Variants in TENT4B observed in about 807,000 individuals in gnomAD.
The protein encoded by TENT4B is PAP associated domain containing 5.
In TENT4B, 10 loss-of-function variants were observed where a neutral mutation model predicts 75.0. The ratio of observed to expected loss-of-function variants is 0.13; its 90% CI spans 0.08 to 0.23. The LOEUF (loss-of-function observed/expected upper bound fraction) is 0.23, where lower values mean the gene tolerates loss of function less well. Ranked by LOEUF, TENT4B falls within the 10% of genes least tolerant of loss-of-function variation. The probability of loss-of-function intolerance (pLI) is 1.00; values close to 1 mark genes in which losing one functional copy is unlikely to be tolerated. For missense variants in TENT4B, 579 were observed against 893.8 expected, an observed-to-expected ratio of 0.65 and a Z score of 4.49; for synonymous variants, 350 against 357.7, an observed-to-expected ratio of 0.98 and a Z score of 0.24.
chr16:50,219,188 G>C (rs2031713647), intron 5 of TENT4B, among the ~76,000 whole-genome samples: 1 of 152,134 alleles, frequency 6.6e-6, no homozygotes, highest in Non-Finnish European at 1.5e-5. Flanking sequence ...TCAGTATAAA[G>C]AGACAGTGTA....
chr16:50,177,255 GT>G (rs1305109776), intron 1 of TENT4B, among the ~76,000 whole-genome samples: 1 of 152,032 alleles, frequency 6.6e-6, no homozygotes, highest in Admixed American at 6.6e-5. Flanking sequence ...CACCTGTCTT[GT>G]CCTCCCAATG....
intron 3 of TENT4B, among the ~76,000 whole-genome samples, chr16:50,215,431 G>A (rs2150738432): frequency 6.6e-6 from 1 of 152,276 alleles, no homozygotes; most frequent in South Asian, 2.1e-4. Context: ...GTCAGCATCA[G>A]TAAAACATGA....
Position 50,204,895 on chromosome 16 carries a change from C to T in TENT4B, c.639-6428C>T, listed in dbSNP as rs188980612. ...CAAAATGTACTGGTGTGTGCTGTCA[C>T]TGCATTCCTGGGTTTGGAGGTCTTC... On this transcript the variant is annotated intron_variant, in intron 1 of 11. Coordinates refer to ENST00000561678, the MANE Select transcript of TENT4B (RefSeq NM_001365324.3). Among the ~76,000 whole-genome samples, 186 of 152,302 alleles carry T rather than the reference C, an allele frequency of 1.2e-3. 2 individuals carry two copies. The highest frequency in any genetic ancestry group is 3.8e-3 in the African/African-American group (158 of 41,562).
intron 10 of TENT4B, among the ~76,000 whole-genome samples, chr16:50,225,730 T>TG (rs1183495923): frequency 2.0e-5 from 3 of 151,864 alleles, no homozygotes; most frequent in Non-Finnish European, 4.4e-5. Context: ...TCACCCAGGC[T>TG]GGAGTGCAGT....
At chr16:50,211,671 G>A (rs1015136325) in intron 2 of TENT4B, among the ~76,000 whole-genome samples, 1 of 151,556 alleles carries the variant, frequency 6.6e-6, no homozygotes, top group African/African-American at 2.4e-5. Flanking sequence ...TTTTTTTGTA[G>A]TGCTAATAGC....
chr16:50,169,518 A>T (rs549898236), intron 1 of TENT4B, among the ~76,000 whole-genome samples: 50 of 149,802 alleles, frequency 3.3e-4, no homozygotes, highest in Middle Eastern at 6.9e-3. Context: ...ATATTTATTA[A>T]TTCATTATTT....
intron 1 of TENT4B, among the ~76,000 whole-genome samples, chr16:50,200,423 GTAAA>G (rs1410954657): frequency 6.6e-6 from 1 of 151,516 alleles, no homozygotes; most frequent in Admixed American, 6.6e-5. Context: ...GCAAAAATAA[GTAAA>G]TAAATAAATA....
rs1414512366 is a variant in TENT4B, at chr16:50,222,454, C to T, written c.1167+20C>T. 6 of 1,606,894 alleles carry T rather than the reference C, an allele frequency of 3.7e-6. No individual in the cohort carries two copies. In the Admixed American group the frequency reaches 8.6e-5, roughly 23 times the overall value. ...CTTCAGGTAAGTCATATGGGTATAG[C>T]ATGCTAGTGCACACTAAAAGCAAAA... On this transcript the variant is annotated intron_variant, in intron 6 of 11. Transcript: ENST00000561678.
chr16:50,169,853 C>G (rs2038173127), intron 1 of TENT4B, among the ~76,000 whole-genome samples: 1 of 152,084 alleles, frequency 6.6e-6, no homozygotes, highest in African/African-American at 2.4e-5. Flanking sequence ...CCAAGACTGT[C>G]AAGGAAGACC....
At chr16:50,174,196 C>G (rs1418461328) in intron 1 of TENT4B, among the ~76,000 whole-genome samples, 1 of 152,124 alleles carries the variant, frequency 6.6e-6, no homozygotes, top group Non-Finnish European at 1.5e-5. Flanking sequence ...TTCCTGGGTT[C>G]AAGTGATTCT....
In TENT4B at chr16:50,222,447, G is replaced by C. The variant is rs1175814480; in HGVS notation, c.1167+13G>C. On this transcript the variant is annotated intron_variant, in intron 6 of 11. Coordinates refer to ENST00000561678, the MANE Select transcript of TENT4B (RefSeq NM_001365324.3). ...CAGTTTCCTTCAGGTAAGTCATATGGGTATAGCATGCTAGTGCACACTAAA... is the reference window on the plus strand; with the variant it reads ...CAGTTTCCTTCAGGTAAGTCATATGCGTATAGCATGCTAGTGCACACTAAA... The C allele has an allele frequency of 2.5e-6, 4 of 1,611,890 alleles. No homozygotes were observed.
intron 1 of TENT4B, among the ~76,000 whole-genome samples, chr16:50,204,739 A>G (rs1567502796): frequency 1.3e-5 from 2 of 152,220 alleles, no homozygotes; most frequent in Non-Finnish European, 2.9e-5. Flanking sequence ...AAGTCCTGCT[A>G]GCAGTTTTTG....
intron 6 of TENT4B, 70 bp downstream of exon 6, chr16:50,222,504 T>C: frequency 6.5e-7 from 1 of 1,541,998 alleles, no homozygotes; most frequent in Non-Finnish European, 8.7e-7. Flanking sequence ...GGGAAACATT[T>C]TGGAAAAAAT....
chr16:50,210,299 C>G (rs1435872722), intron 1 of TENT4B, among the ~76,000 whole-genome samples: 1 of 152,210 alleles, frequency 6.6e-6, no homozygotes, highest in Non-Finnish European at 1.5e-5. Context: ...ATGTTCAAGT[C>G]ATTGCTCAGC....
chr16:50,177,098 G>A lies in TENT4B; in HGVS notation c.638+22839G>A, dbSNP rs531039289. The stretch of plus-strand genomic sequence containing the variant: ...GTTCACTGCAACCTCTGCCTCCCAG[G>A]TTCAAGTGATTCTCCTGCCTCAGTC... On this transcript the variant is annotated intron_variant, in intron 1 of 11. Coordinates refer to ENST00000561678, the MANE Select transcript of TENT4B (RefSeq NM_001365324.3). 2.6e-5 allele frequency among the ~76,000 whole-genome samples: 4 copies of A among 151,782 alleles called. No homozygotes were observed. In the South Asian group the frequency reaches 8.3e-4, roughly 32 times the overall value.
At chr16:50,163,651 G>A (rs2038042520) in intron 1 of TENT4B, among the ~76,000 whole-genome samples, 1 of 150,726 alleles carries the variant, frequency 6.6e-6, no homozygotes, top group Admixed American at 6.6e-5. Flanking sequence ...CACCTGCCTC[G>A]GCCTCCCAAA....
At chr16:50,223,497 T>G in intron 7 of TENT4B, 110 bp downstream of exon 7, 1 of 710,870 alleles carries the variant, frequency 1.4e-6, no homozygotes. Flanking sequence ...CTTCTAATTG[T>G]TATTCTTTTT....
intron 1 of TENT4B, among the ~76,000 whole-genome samples, chr16:50,157,434 G>A (rs1258912144): frequency 1.3e-5 from 2 of 152,010 alleles, no homozygotes; most frequent in African/African-American, 4.8e-5. Flanking sequence ...CACATGACAT[G>A]GACATTTCTT....
chr16:50,227,762 A>C, intron 10 of TENT4B, 77 bp from the exon 11 acceptor site: 1 of 1,533,258 alleles, frequency 6.5e-7, no homozygotes, highest in South Asian at 1.2e-5. Context: ...TACTTTAACC[A>C]AAATTGTTTT....
Sources: gnomAD v4.1 joint callset for allele counts (sites outside exome capture counted in the v4.1 genomes callset) on GRCh38, gnomAD v4.1.1 for gene constraint, MANE v1.5 for transcripts, NCBI Gene and HGNC (gene_info 2026-07-23, HGNC 2026-07-21) for gene names.